ROR1: variants seen among roughly 807,000 people sequenced by gnomAD.
ROR1 encodes inactive tyrosine-protein kinase transmembrane receptor ROR1.
A neutral mutation model predicts 78.8 loss-of-function variants in ROR1; 19 were observed. The ratio of observed to expected loss-of-function variants is 0.24; its 90% confidence interval spans 0.17 to 0.35. ROR1 has a LOEUF of 0.35. Among genes scored for constraint, ROR1 ranks in the 10% least tolerant of loss-of-function variants. The pLI, the probability that ROR1 is intolerant of heterozygous loss-of-function variation, is 1.00. For missense variants in ROR1, 917 were observed against 1,177.8 expected (o/e 0.78, Z 3.24); for synonymous variants, 386 against 433.6 (o/e 0.89, Z 1.36).
intron 1 of ROR1, among the ~76,000 whole-genome samples, chr1:63,917,441 C>A (rs1427641489): frequency 6.6e-6 from 1 of 152,058 alleles, no homozygotes; most frequent in African/African-American, 2.4e-5. Flanking sequence ...TTTTTCTATT[C>A]TATAAAATAA....
intron 4 of ROR1, among the ~76,000 whole-genome samples, chr1:64,134,731 A>G (rs1649041749): frequency 6.6e-6 from 1 of 150,932 alleles, no homozygotes. Flanking sequence ...AAAGCTTCTC[A>G]AGGAGATTCT....
At chr1:64,106,625 A>G (rs1480462033) in intron 4 of ROR1, 2 of 152,156 alleles carry the variant, frequency 1.3e-5, no homozygotes, top group Admixed American at 1.3e-4. Flanking sequence ...ATTTTGAGAT[A>G]TGTTCCATCA....
chr1:63,801,537 C>T (rs1055081411), intron 1 of ROR1, among the ~76,000 whole-genome samples: 6 of 152,122 alleles, frequency 3.9e-5, no homozygotes, highest in Non-Finnish European at 7.4e-5. Context: ...CCAAGTGATC[C>T]GCCCGCCTCA....
intron 1 of ROR1, among the ~76,000 whole-genome samples, chr1:63,990,528 T>C (rs1332889782): frequency 6.6e-6 from 1 of 152,160 alleles, no homozygotes; most frequent in East Asian, 1.9e-4. Flanking sequence ...TAAATGTCTT[T>C]TCTTTATGAG....
chr1:63,866,228 G>A (rs180896747), intron 1 of ROR1, among the ~76,000 whole-genome samples: 2 of 152,086 alleles, frequency 1.3e-5, no homozygotes, highest in East Asian at 3.9e-4. Context: ...CTTCACGTCT[G>A]GCCTGGATGT....
intron 1 of ROR1, among the ~76,000 whole-genome samples, chr1:63,996,221 A>G (rs1157450691): frequency 6.6e-6 from 1 of 152,198 alleles, no homozygotes; most frequent in Non-Finnish European, 1.5e-5. Context: ...AGATCACCTT[A>G]CAAAGTGCAA....
At chr1:63,896,736 G>A (rs1645442937) in intron 1 of ROR1, among the ~76,000 whole-genome samples, 1 of 152,080 alleles carries the variant, frequency 6.6e-6, no homozygotes, top group Non-Finnish European at 1.5e-5. Context: ...AGACTCGTGT[G>A]TGAACACATC....
At chr1:64,093,909 A>T (rs969898565) in intron 4 of ROR1, among the ~76,000 whole-genome samples, 2 of 152,196 alleles carry the variant, frequency 1.3e-5, no homozygotes, top group Admixed American at 6.5e-5. Context: ...TCTCAAAGCA[A>T]CTTTACAAGG....
At chr1:64,078,893 A>G (rs1647075034) in intron 4 of ROR1, among the ~76,000 whole-genome samples, 1 of 152,146 alleles carries the variant, frequency 6.6e-6, no homozygotes, top group South Asian at 2.1e-4. Context: ...GTCATTGTTG[A>G]GTACGATGAT....
chr1:64,072,516 A>T (rs1257177034), intron 4 of ROR1, among the ~76,000 whole-genome samples: 1 of 152,164 alleles, frequency 6.6e-6, no homozygotes, highest in Non-Finnish European at 1.5e-5. Context: ...GACATAAGGG[A>T]TTGTGAAGGC....
intron 8 of ROR1, among the ~76,000 whole-genome samples, chr1:64,171,899 C>A (rs376374916): frequency 6.6e-6 from 1 of 152,196 alleles, no homozygotes; most frequent in African/African-American, 2.4e-5. Flanking sequence ...AAAATCCTCA[C>A]CGCATATCCT....
intron 7 of ROR1, among the ~76,000 whole-genome samples, chr1:64,154,982 C>T (rs113733169): frequency 4.6e-5 from 7 of 152,214 alleles, no homozygotes; most frequent in South Asian, 2.1e-4. Flanking sequence ...AAGAGAACTT[C>T]GGACTCTTAA....
chr1:63,879,211 G>A (rs1219605584), intron 1 of ROR1, among the ~76,000 whole-genome samples: 2 of 152,134 alleles, frequency 1.3e-5, no homozygotes, highest in East Asian at 3.9e-4. Flanking sequence ...TATCTGCTGA[G>A]AGGAAGCTCA....
intron 7 of ROR1, among the ~76,000 whole-genome samples, chr1:64,145,350 A>G (rs1649445950): frequency 6.6e-6 from 1 of 152,262 alleles, no homozygotes; most frequent in South Asian, 2.1e-4. Flanking sequence ...TTTTAAAAAT[A>G]TTGAAAAGAA....
intron 1 of ROR1, among the ~76,000 whole-genome samples, chr1:63,866,609 T>C (rs548139169): frequency 4.0e-5 from 6 of 150,798 alleles, no homozygotes; most frequent in African/African-American, 1.2e-4. Context: ...GGACCTAGCC[T>C]TTTTTTTTGG....
intron 1 of ROR1, among the ~76,000 whole-genome samples, chr1:63,885,538 C>T (rs1366985375): frequency 1.3e-5 from 2 of 151,994 alleles, no homozygotes; most frequent in African/African-American, 2.4e-5. Context: ...GAAGTGGGGA[C>T]GTGTGCCCAC....
intron 1 of ROR1, among the ~76,000 whole-genome samples, chr1:63,884,972 G>A (rs1470216709): frequency 2.0e-5 from 3 of 152,100 alleles, no homozygotes; most frequent in Non-Finnish European, 4.4e-5. Context: ...CTCACCTGCT[G>A]AGTAACTCTG....
chr1:64,157,327 T>C (rs184895901), intron 7 of ROR1, among the ~76,000 whole-genome samples: 1 of 152,182 alleles, frequency 6.6e-6, no homozygotes, highest in Admixed American at 6.5e-5. Flanking sequence ...TTTGTAGAGA[T>C]GGGGTTTCGC....
chr1:63,957,867 C>T (rs1034184636), intron 1 of ROR1, among the ~76,000 whole-genome samples: 1 of 151,912 alleles, frequency 6.6e-6, no homozygotes. Flanking sequence ...CTCAGCCTCC[C>T]GAGTAGCTGG....
Sources: gnomAD v4.1 joint callset for allele counts (sites outside exome capture counted in the v4.1 genomes callset) on GRCh38, gnomAD v4.1.1 for gene constraint, MANE v1.5 for transcripts, NCBI Gene and HGNC (gene_info 2026-07-23, HGNC 2026-07-21) for gene names.